IKZF1: variants seen among roughly 807,000 people sequenced by gnomAD.
IKZF1 encodes the protein IKAROS family zinc finger 1, also known as DNA-binding protein Ikaros.
A neutral mutation model predicts 51.7 loss-of-function variants in IKZF1; 10 were observed. The observed-to-expected ratio is 0.19, with a 90% CI of 0.12 to 0.33. The LOEUF (loss-of-function observed/expected upper bound fraction) is 0.33, where lower values mean the gene tolerates loss of function less well. IKZF1 is among the 10% of genes least tolerant of loss of function. The pLI, the probability that IKZF1 is intolerant of heterozygous loss-of-function variation, is 1.00. For missense variants in IKZF1, 484 were observed against 707.5 expected (o/e 0.68, Z 3.58); for synonymous variants, 280 against 282.3 (o/e 0.99, Z 0.08).
chr7:50,370,676 T>C (rs1034669864), intron 3 of IKZF1, among the ~76,000 whole-genome samples: 3 of 152,220 alleles, frequency 2.0e-5, no homozygotes, highest in Non-Finnish European at 4.4e-5. Context: ...TATTGAGTAA[T>C]AAAATTGGGC....
At chr7:50,323,549 G>A (rs139294727) in intron 2 of IKZF1, among the ~76,000 whole-genome samples, 3 of 152,244 alleles carry the variant, frequency 2.0e-5, no homozygotes, top group African/African-American at 7.2e-5. Context: ...CTTCTCATAG[G>A]TAATGCTTTA....
At chr7:50,378,078 A>G (rs1434606324) in intron 4 of IKZF1, among the ~76,000 whole-genome samples, 1 of 152,258 alleles carries the variant, frequency 6.6e-6, no homozygotes, top group African/African-American at 2.4e-5. Context: ...GAAATGCAGA[A>G]AATTTTGTGA....
chr7:50,373,870 T>C (rs1188311880), intron 3 of IKZF1, among the ~76,000 whole-genome samples: 1 of 152,208 alleles, frequency 6.6e-6, no homozygotes, highest in Non-Finnish European at 1.5e-5. Flanking sequence ...CTCACTTGCC[T>C]GCCTATCTCC....
At chr7:50,329,609 G>A (rs1407870244) in intron 3 of IKZF1, among the ~76,000 whole-genome samples, 1 of 152,226 alleles carries the variant, frequency 6.6e-6, no homozygotes, top group Non-Finnish European at 1.5e-5. Context: ...AAGTGGCACA[G>A]GAATAGTCAT....
At chr7:50,343,599 G>A (rs1157118113) in intron 3 of IKZF1, among the ~76,000 whole-genome samples, 2 of 152,232 alleles carry the variant, frequency 1.3e-5, no homozygotes, top group Admixed American at 1.3e-4. Flanking sequence ...CTTTGTACAA[G>A]AGGCTTGTGC....
intron 2 of IKZF1, among the ~76,000 whole-genome samples, chr7:50,320,794 A>C (rs7777365): frequency 0.43 from 65,197 of 152,072 alleles, 14,302 homozygotes; most frequent in East Asian, 0.55. Flanking sequence ...TGGTATAAAT[A>C]CAAATATCAA....
chr7:50,344,280 C>A (rs555258445), intron 3 of IKZF1, among the ~76,000 whole-genome samples: 5 of 152,160 alleles, frequency 3.3e-5, no homozygotes, highest in Non-Finnish European at 7.3e-5. Flanking sequence ...AAAGACACAC[C>A]TTTTGCCTTG....
intron 7 of IKZF1, chr7:50,394,458 T>C (rs1445384351): frequency 8.6e-6 from 2 of 233,128 alleles, no homozygotes; most frequent in African/African-American, 4.4e-5. Context: ...TCACACAAGC[T>C]GGCCCAATAG....
intron 7 of IKZF1, among the ~76,000 whole-genome samples, chr7:50,399,351 TC>T (rs1817525952): frequency 1.3e-5 from 2 of 152,038 alleles, no homozygotes; most frequent in Admixed American, 1.3e-4. Context: ...AAATATACAA[TC>T]ATCATGTATT....
At chr7:50,382,793 G>C in intron 5 of IKZF1, 86 bp downstream of exon 5, 1 of 1,470,970 alleles carries the variant, frequency 6.8e-7, no homozygotes, top group South Asian at 1.3e-5. Flanking sequence ...TTGTGTCCTT[G>C]CTGGCTAACC....
chr7:50,350,248 C>T (rs1801501729), intron 3 of IKZF1, among the ~76,000 whole-genome samples: 1 of 152,260 alleles, frequency 6.6e-6, no homozygotes, highest in Non-Finnish European at 1.5e-5. Flanking sequence ...CTGAATCCAG[C>T]ACCCACAGGG....
chr7:50,392,395 AAAG>A lies in IKZF1; in HGVS notation c.850+544_850+546del, dbSNP rs1410199698. The stretch of plus-strand genomic sequence containing the variant: ...CCTAATGCTCTGCGGGATTAAAAAA[AAAG>A]AAGAAGAAGAACAAGACCATTCGTC... On this transcript the variant is annotated intron_variant, in intron 7 of 7. Coordinates refer to ENST00000331340, the MANE Select transcript of IKZF1 (RefSeq NM_006060.6). Among the ~76,000 whole-genome samples, 32 of 152,190 alleles carry A rather than the reference AAAG, an allele frequency of 2.1e-4. 1 individual carries two copies. Among genetic ancestry groups the A allele is most frequent in the Non-Finnish European group, 2.2e-4 (15 of 67,988 alleles).
intron 3 of IKZF1, among the ~76,000 whole-genome samples, chr7:50,348,749 C>T (rs78576527): frequency 0.012 from 1,892 of 152,280 alleles, 41 homozygotes; most frequent in African/African-American, 0.044. Flanking sequence ...TCTCAACAAG[C>T]GATTTGTTAT....
intron 3 of IKZF1, among the ~76,000 whole-genome samples, chr7:50,339,589 A>T (rs1798601547): frequency 6.6e-6 from 1 of 152,018 alleles, no homozygotes; most frequent in Non-Finnish European, 1.5e-5. Flanking sequence ...TCTCTACTAA[A>T]ATATGAAAAA....
intron 3 of IKZF1, among the ~76,000 whole-genome samples, chr7:50,374,326 G>A (rs1213896141): frequency 6.6e-6 from 1 of 152,154 alleles, no homozygotes; most frequent in Non-Finnish European, 1.5e-5. Flanking sequence ...CCATTTTAGG[G>A]ACTTGCACAT....
rs72645704 is a variant in IKZF1, at chr7:50,400,636, C to A, written c.*9C>A. 1 of 1,600,240 alleles carries A rather than the reference C, an allele frequency of 6.2e-7. No individual in the cohort carries two copies. The highest frequency in any genetic ancestry group is 8.5e-7 in the Non-Finnish European group (1 of 1,177,846). ...GCTTCCACATGAGCTAAAGCCCTCC[C>A]GCGCCCCCACCCCAGACCCCGAGCC... On this transcript the variant is annotated 3_prime_UTR_variant, in exon 8 of 8. Transcript: ENST00000331340. This position sits in a 1 kb window ranked among gnomAD's most constrained non-coding sequence, Gnocchi z 5.4.
At chr7:50,391,212 T>C (rs1332895139) in intron 6 of IKZF1, among the ~76,000 whole-genome samples, 1 of 152,168 alleles carries the variant, frequency 6.6e-6, no homozygotes, top group Admixed American at 6.5e-5. Flanking sequence ...TGTTGTATGC[T>C]CAGGGATAAG....
intron 3 of IKZF1, among the ~76,000 whole-genome samples, chr7:50,363,667 T>C (rs1805941189): frequency 1.3e-5 from 2 of 152,224 alleles, no homozygotes; most frequent in Admixed American, 1.3e-4. Flanking sequence ...TCTCTTCCCA[T>C]GAGAAGACTC....
At chr7:50,373,781 T>A (rs1259626180) in intron 3 of IKZF1, among the ~76,000 whole-genome samples, 1 of 152,212 alleles carries the variant, frequency 6.6e-6, no homozygotes, top group Non-Finnish European at 1.5e-5. Flanking sequence ...CCCAGAAAGA[T>A]GCACAGCCTC....
Sources: allele counts gnomAD v4.1 joint callset (sites outside exome capture counted in the v4.1 genomes callset), GRCh38; gene constraint gnomAD v4.1.1; non-coding constraint Gnocchi (gnomAD v3.1); transcripts MANE v1.5; gene names NCBI Gene and HGNC (gene_info 2026-07-23, HGNC 2026-07-21).